SNTG2: variants seen among roughly 807,000 people sequenced by gnomAD.
SNTG2 encodes gamma-2-syntrophin.
In SNTG2, 74 loss-of-function variants were observed where a neutral mutation model predicts 70.9. The observed-to-expected ratio is 1.04, with a 90% CI of 0.86 to 1.27. The LOEUF (loss-of-function observed/expected upper bound fraction) is 1.27, where lower values mean the gene tolerates loss of function less well. Among genes scored for constraint, SNTG2 ranks in the 50% most tolerant of loss-of-function variants. The probability of loss-of-function intolerance (pLI) is 0.00; values close to 1 mark genes in which losing one functional copy is unlikely to be tolerated. For missense variants in SNTG2, 717 were observed against 690.7 expected, an observed-to-expected ratio of 1.04 and a Z score of -0.43; for synonymous variants, 278 against 273.8, an observed-to-expected ratio of 1.02 and a Z score of -0.15.
At chr2:1,154,572 G>A (rs1167973500) in intron 6 of SNTG2, among the ~76,000 whole-genome samples, 1 of 152,014 alleles carries the variant, frequency 6.6e-6, no homozygotes, top group African/African-American at 2.4e-5. Context: ...AAAAGTGAGG[G>A]ATGGAGCACC....
intron 1 of SNTG2, chr2:1,068,040 G>C (rs916630492): frequency 2.0e-5 from 3 of 152,152 alleles, no homozygotes; most frequent in African/African-American, 4.8e-5. Flanking sequence ...GGCATTCCCC[G>C]GGTTCAGTCT....
chr2:1,223,314 C>G (rs1374207679), intron 9 of SNTG2, among the ~76,000 whole-genome samples: 5 of 150,102 alleles, frequency 3.3e-5, no homozygotes, highest in Admixed American at 6.7e-5. Flanking sequence ...GGTGCTGGAT[C>G]GCTGTAGAGG....
intron 16 of SNTG2, among the ~76,000 whole-genome samples, chr2:1,350,120 C>G (rs1019303047): frequency 5.3e-5 from 8 of 152,174 alleles, no homozygotes; most frequent in Admixed American, 1.3e-4. Flanking sequence ...TATCACCCCC[C>G]CAGTGCCTTC....
At chr2:1,142,683 A>G (rs578119467) in intron 6 of SNTG2, among the ~76,000 whole-genome samples, 2 of 152,316 alleles carry the variant, frequency 1.3e-5, no homozygotes, top group South Asian at 2.1e-4. Flanking sequence ...AAGGAAACCA[A>G]TAGAGTCTCT....
At position 1,209,106 on chromosome 2, in the gene SNTG2, C is replaced by G; in HGVS notation, c.595C>G (p.Pro199Ala). The change falls in exon 9 of 17, where the codon CCA becomes GCA. Residue 199 changes from proline to alanine, a missense_variant. Coordinates refer to ENST00000308624, the MANE Select transcript of SNTG2 (RefSeq NM_018968.4). ...HLNGNSSTTA[P>A]SSPSSPIAKD... ...CATTCTCCTTTCTTCTGTACAGGCC[C>G]CATCGTCACCTTCCTCGCCCATAGC... 6.2e-7 allele frequency: 1 copy of G among 1,613,948 alleles called. No homozygotes were observed. The highest frequency in any genetic ancestry group is 8.5e-7 in the Non-Finnish European group (1 of 1,179,896).
At chr2:1,214,450 G>T (rs1674245487) in intron 9 of SNTG2, among the ~76,000 whole-genome samples, 1 of 151,988 alleles carries the variant, frequency 6.6e-6, no homozygotes, top group African/African-American at 2.4e-5. Flanking sequence ...TCATTGTACA[G>T]ATCTTTCATC....
In SNTG2 at chr2:1,212,686, T is replaced by C. The variant is rs543070736; in HGVS notation, c.719+3456T>C. 2.0e-5 allele frequency among the ~76,000 whole-genome samples: 3 copies of C among 152,208 alleles called. No individual in the cohort carries two copies. The East Asian group carries it at 5.8e-4, about 29-fold the overall frequency. On this transcript the variant is annotated intron_variant, in intron 9 of 16. Coordinates refer to ENST00000308624, the MANE Select transcript of SNTG2 (RefSeq NM_018968.4). ...TAAAACCTGTTTGTTCTGAAACATA[T>C]TTGTGCAAAGTCCCATTTAGAGGCT...
intron 9 of SNTG2, among the ~76,000 whole-genome samples, chr2:1,229,785 G>T (rs932359230): frequency 6.6e-6 from 1 of 152,254 alleles, no homozygotes; most frequent in African/African-American, 2.4e-5. Flanking sequence ...TGAGTGCAGC[G>T]CCGGTGGGCT....
intron 1 of SNTG2, among the ~76,000 whole-genome samples, chr2:954,243 CAG>C (rs1660071978): frequency 6.6e-6 from 1 of 152,112 alleles, no homozygotes; most frequent in Non-Finnish European, 1.5e-5. Flanking sequence ...CCAGGGAACT[CAG>C]AGAACCCCGG....
chr2:1,361,699 T>C (rs1368075499), intron 16 of SNTG2, among the ~76,000 whole-genome samples: 82 of 132,384 alleles, frequency 6.2e-4, no homozygotes, highest in Middle Eastern at 4.6e-3. Context: ...AGCATTTCAG[T>C]AGAACTTCTG....
At chr2:1,057,683 C>G (rs149902749) in intron 1 of SNTG2, among the ~76,000 whole-genome samples, 2,130 of 152,304 alleles carry the variant, frequency 0.014, 55 homozygotes, top group African/African-American at 0.048. Context: ...AACACCCTCA[C>G]AGACACACCC....
chr2:1,132,914 A>G (rs919337151), intron 4 of SNTG2, among the ~76,000 whole-genome samples: 7 of 152,166 alleles, frequency 4.6e-5, no homozygotes, highest in African/African-American at 1.7e-4. Flanking sequence ...TTGGCCACAT[A>G]TGTGTCCCCA....
chr2:988,371 G>A (rs1221278934), intron 1 of SNTG2, among the ~76,000 whole-genome samples: 1 of 152,218 alleles, frequency 6.6e-6, no homozygotes, highest in Non-Finnish European at 1.5e-5. Flanking sequence ...CCTGTTCTGT[G>A]TCCCTAGAGT....
intron 6 of SNTG2, among the ~76,000 whole-genome samples, chr2:1,150,396 G>C (rs1669399444): frequency 6.6e-6 from 1 of 152,138 alleles, no homozygotes; most frequent in African/African-American, 2.4e-5. Flanking sequence ...CATAAAGCTG[G>C]CTTTCCCTGC....
intron 8 of SNTG2, among the ~76,000 whole-genome samples, chr2:1,190,810 T>C (rs4270381): frequency 0.32 from 47,876 of 151,844 alleles, 8,123 homozygotes; most frequent in East Asian, 0.65. Context: ...ATCATATATC[T>C]AAATGCTGCC....
At chr2:1,076,302 C>T (rs1332599915) in intron 1 of SNTG2, among the ~76,000 whole-genome samples, 1 of 152,194 alleles carries the variant, frequency 6.6e-6, no homozygotes, top group East Asian at 1.9e-4. Flanking sequence ...CTTCCTTCCA[C>T]CCGTATGGCC....
intron 8 of SNTG2, among the ~76,000 whole-genome samples, chr2:1,177,599 G>A (rs6714337): frequency 0.21 from 31,276 of 151,750 alleles, 3,817 homozygotes; most frequent in African/African-American, 0.35. Context: ...GAAATGAAAT[G>A]ACACCTTTGA....
At chr2:1,064,156 A>G (rs1558357133) in intron 1 of SNTG2, among the ~76,000 whole-genome samples, 1 of 152,040 alleles carries the variant, frequency 6.6e-6, no homozygotes, top group Non-Finnish European at 1.5e-5. Flanking sequence ...AAAGAAAAAA[A>G]TAATGAACCT....
chr2:1,076,968 C>T (rs1028004313), intron 1 of SNTG2, among the ~76,000 whole-genome samples: 3 of 152,060 alleles, frequency 2.0e-5, no homozygotes, highest in Non-Finnish European at 4.4e-5. Context: ...CATGTATGTA[C>T]GTACGTAATT....
Sources: allele counts gnomAD v4.1 joint callset (sites outside exome capture counted in the v4.1 genomes callset), GRCh38; gene constraint gnomAD v4.1.1; transcripts MANE v1.5; gene names NCBI Gene and HGNC (gene_info 2026-07-23, HGNC 2026-07-21).